NDUFA8: variants seen among roughly 807,000 people sequenced by gnomAD.
NDUFA8 encodes NADH dehydrogenase [ubiquinone] 1 alpha subcomplex subunit 8.
In NDUFA8, 16 loss-of-function variants were observed where a neutral mutation model predicts 20.9. The ratio of observed to expected loss-of-function variants is 0.77; its 90% CI spans 0.52 to 1.16. The LOEUF is 1.16. Ranked by LOEUF, NDUFA8 falls within the 50% of genes most tolerant of loss-of-function variation. The pLI is 0.00. For synonymous variants in NDUFA8, 70 were observed against 76.1 expected (o/e 0.92, Z 0.41); for missense variants, 202 against 216.4 (o/e 0.93, Z 0.42).
At chr9:122,147,154 T>A (rs961390302) in intron 3 of NDUFA8, among the ~76,000 whole-genome samples, 9 of 152,088 alleles carry the variant, frequency 5.9e-5, no homozygotes, top group African/African-American at 1.7e-4. Context: ...CCCACATTGA[T>A]CCACCCTCCT....
At chr9:122,151,024 C>T (rs1056456223) in intron 2 of NDUFA8, among the ~76,000 whole-genome samples, 26 of 148,454 alleles carry the variant, frequency 1.8e-4, no homozygotes, top group South Asian at 6.5e-4. Flanking sequence ...ATAGCAACTT[C>T]GAAGAGTGTT....
intron 3 of NDUFA8, among the ~76,000 whole-genome samples, chr9:122,147,594 C>A (rs1406141007): frequency 6.6e-6 from 1 of 151,220 alleles, no homozygotes; most frequent in East Asian, 1.9e-4. Flanking sequence ...AACAAACCTG[C>A]ACATGCTAGA....
At chr9:122,143,916 T>A, downstream of NDUFA8, 1 of 476,998 alleles carries the variant, frequency 2.1e-6, no homozygotes, top group Non-Finnish European at 3.4e-6. Context: ...CACTTCTGCC[T>A]GTTCTAACAG....
At chr9:122,134,298 G>A in the NDUFA8 span, among the ~76,000 whole-genome samples, 4 of 152,108 alleles carry the variant, frequency 2.6e-5, no homozygotes, top group African/African-American at 4.8e-5. Flanking sequence ...TACGGTTTTG[G>A]AATCAGACAA....
chr9:122,150,292 T>C (rs749064000), intron 2 of NDUFA8, among the ~76,000 whole-genome samples: 4 of 151,434 alleles, frequency 2.6e-5, no homozygotes, highest in Non-Finnish European at 4.4e-5. Context: ...TGCCCTATAG[T>C]CCTAGCTACT....
chr9:122,138,179 A>C, the NDUFA8 span, among the ~76,000 whole-genome samples: 1 of 152,266 alleles, frequency 6.6e-6, no homozygotes, highest in Admixed American at 6.5e-5. Flanking sequence ...CAACTCTTCC[A>C]TCAGAGCAGC....
chr9:122,153,375 C>CTAATCCATCTAGTAA (rs1564410204), intron 1 of NDUFA8, among the ~76,000 whole-genome samples: 1 of 141,104 alleles, frequency 7.1e-6, no homozygotes, highest in African/African-American at 2.7e-5. Context: ...CAAAGAGCAT[C>CTAATCCATCTAGTAA]TAGTCCATCT....
the NDUFA8 span, chr9:122,133,045 C>T: frequency 1.1e-5 from 5 of 455,884 alleles, no homozygotes; most frequent in Non-Finnish European, 2.2e-5. Context: ...TCCATCTAAT[C>T]CTCACAACCA....
At chr9:122,147,707 A>G (rs1452971046) in intron 3 of NDUFA8, among the ~76,000 whole-genome samples, 1 of 145,890 alleles carries the variant, frequency 6.9e-6, no homozygotes, top group Non-Finnish European at 1.5e-5. Context: ...ATTCACTGCA[A>G]GCTCCACCTC....
At chr9:122,151,036 C>A (rs575505471) in intron 2 of NDUFA8, among the ~76,000 whole-genome samples, 1 of 149,640 alleles carries the variant, frequency 6.7e-6, no homozygotes, top group African/African-American at 2.4e-5. Context: ...AAGAGTGTTT[C>A]CAATAATATC....
Position 122,144,235 on chromosome 9 carries a change from C to T in NDUFA8, c.*6G>A, listed in dbSNP as rs1828864808. 1 of 1,613,504 alleles carries T rather than the reference C, an allele frequency of 6.2e-7. No individual in the cohort carries two copies. The highest frequency in any genetic ancestry group is 1.3e-5 in the African/African-American group (1 of 74,904). Reference sequence around the variant, plus strand: ...ACATGACCGAGTGTGGGCCACGGACCCATCTTTACTTGGTCCAGAAATAAA... The same window carrying T: ...ACATGACCGAGTGTGGGCCACGGACTCATCTTTACTTGGTCCAGAAATAAA... On this transcript the variant is annotated 3_prime_UTR_variant, in exon 4 of 4. Coordinates refer to ENST00000373768, the MANE Select transcript of NDUFA8 (RefSeq NM_014222.3).
intron 1 of NDUFA8, among the ~76,000 whole-genome samples, chr9:122,156,880 G>C (rs559650647): frequency 6.6e-6 from 1 of 152,302 alleles, no homozygotes; most frequent in Non-Finnish European, 1.5e-5. Context: ...ATAATTTTAA[G>C]AGCCACTGAG....
chr9:122,142,514 T>C (rs1001316944), downstream of NDUFA8, among the ~76,000 whole-genome samples: 1 of 152,174 alleles, frequency 6.6e-6, no homozygotes, highest in African/African-American at 2.4e-5. Context: ...CACTCAAAGC[T>C]GAGAACCACG....
At chr9:122,145,857 T>C (rs1450261912) in intron 3 of NDUFA8, among the ~76,000 whole-genome samples, 1 of 152,190 alleles carries the variant, frequency 6.6e-6, no homozygotes, top group Admixed American at 6.5e-5. Flanking sequence ...ATTAAAGACA[T>C]TTATGAAATT....
At chr9:122,159,120 T>C (rs1829132093) in intron 1 of NDUFA8, among the ~76,000 whole-genome samples, 1 of 152,172 alleles carries the variant, frequency 6.6e-6, no homozygotes, top group African/African-American at 2.4e-5. Flanking sequence ...AAATGGGTCC[T>C]GTTACCAAAC....
intron 2 of NDUFA8, among the ~76,000 whole-genome samples, chr9:122,151,998 A>C (rs980676996): frequency 1.3e-5 from 2 of 152,258 alleles, no homozygotes; most frequent in Non-Finnish European, 2.9e-5. Context: ...GTCACCAGTC[A>C]CTTGCTTAGC....
chr9:122,158,832 T>C (rs1829125538), intron 1 of NDUFA8, among the ~76,000 whole-genome samples: 1 of 151,492 alleles, frequency 6.6e-6, no homozygotes, highest in Non-Finnish European at 1.5e-5. Context: ...TATCCTACCT[T>C]ATAGTGTTGC....
chr9:122,155,496 A>G (rs1177556027), intron 1 of NDUFA8, among the ~76,000 whole-genome samples: 1 of 152,276 alleles, frequency 6.6e-6, no homozygotes, highest in African/African-American at 2.4e-5. Flanking sequence ...GACTATGTCT[A>G]TTAATAGTGC....
chr9:122,159,116 G>T (rs2118725026), intron 1 of NDUFA8, among the ~76,000 whole-genome samples: 1 of 152,164 alleles, frequency 6.6e-6, no homozygotes, highest in Non-Finnish European at 1.5e-5. Context: ...CTTTAAATGG[G>T]TCCTGTTACC....
Sources: gnomAD v4.1 joint callset for allele counts (sites outside exome capture counted in the v4.1 genomes callset) on GRCh38, gnomAD v4.1.1 for gene constraint, MANE v1.5 for transcripts, NCBI Gene and HGNC (gene_info 2026-07-23, HGNC 2026-07-21) for gene names.